Variants in GSDME observed in about 807,000 individuals in gnomAD.
GSDME encodes the protein gasdermin-E.
GSDME carries 44 observed loss-of-function variants against 47.5 expected under a neutral mutation model. That is an observed-to-expected ratio of 0.93 (90% CI 0.73 to 1.19). GSDME has a LOEUF of 1.19. Ranked by LOEUF, GSDME falls within the 50% of genes most tolerant of loss-of-function variation. GSDME has a pLI of 0.00. For missense variants in GSDME, 663 were observed against 604.2 expected (o/e 1.10, Z -1.02); for synonymous variants, 258 against 252.8 (o/e 1.02, Z -0.20).
rs6962615 is a variant in GSDME, at chr7:24,706,649, C to T, written c.991-273G>A. Reference sequence around the variant, plus strand: ...CCAGGGCAGGGTCTGTTGGGTAGTGCCAGGGACCAGAAACAAGTGGTTACA... The same window carrying T: ...CCAGGGCAGGGTCTGTTGGGTAGTGTCAGGGACCAGAAACAAGTGGTTACA... On this transcript the variant is annotated intron_variant, in intron 7 of 9. Coordinates refer to ENST00000645220, the MANE Select transcript of GSDME (RefSeq NM_001127453.2). Among the ~76,000 whole-genome samples the T allele has an allele frequency of 0.038, 5,826 of 152,302 alleles. 155 individuals are homozygous for T. Among genetic ancestry groups the T allele is most frequent in the Non-Finnish European group, 0.057 (3,872 of 68,002 alleles).
At chr7:24,700,348 G>A (rs960919462) in intron 9 of GSDME, among the ~76,000 whole-genome samples, 2 of 151,930 alleles carry the variant, frequency 1.3e-5, no homozygotes, top group African/African-American at 2.4e-5. Context: ...ATCTGTACCC[G>A]TAATATTTTA....
chr7:24,749,672 T>A lies in GSDME; in HGVS notation c.103A>T (p.Ser35Cys). Residue 35 changes from serine to cysteine, a missense_variant, in exon 2 of 10, where the codon AGT becomes TGT. Physicochemically the swap from Ser to Cys is moderately radical, Grantham distance 112 (BLOSUM62 -1). Coordinates refer to ENST00000645220, the MANE Select transcript of GSDME (RefSeq NM_001127453.2). ...LNDSDKLQLLSLVTKKKRFWC... is the reference protein window; with the variant it reads ...LNDSDKLQLLCLVTKKKRFWC... ...AATCTCTTCTTTTTTGTCACCAGAC[T>A]TAGAAGCTGTAACTTATCAGAGTCA... is the stretch of plus-strand genomic sequence containing the variant. 1.2e-6 allele frequency: 2 copies of A among 1,614,106 alleles called. No homozygotes were observed. Among genetic ancestry groups the A allele is most frequent in the East Asian group, 4.5e-5 (2 of 44,882 alleles).
chr7:24,766,172 A>G, the GSDME span, among the ~76,000 whole-genome samples: 3 of 134,272 alleles, frequency 2.2e-5, no homozygotes, highest in Admixed American at 1.5e-4. This position sits in a 1 kb window ranked among gnomAD's most constrained non-coding sequence, Gnocchi z 4.2. Context: ...CATGATATTA[A>G]ATTACATTAT....
At chr7:24,753,667 CTGAT>C (rs1790926917) in intron 1 of GSDME, among the ~76,000 whole-genome samples, 1 of 152,146 alleles carries the variant, frequency 6.6e-6, no homozygotes, top group South Asian at 2.1e-4. Flanking sequence ...TTTTGCAAGT[CTGAT>C]AGGTGAGAAA....
At position 24,744,775 on chromosome 7, in the gene GSDME, A is replaced by G. The variant is rs764762708; in HGVS notation, c.212-21T>C. On this transcript the variant is annotated intron_variant, in intron 2 of 9. Transcript: ENST00000645220. This position sits in a 1 kb window ranked among gnomAD's most constrained non-coding sequence, Gnocchi z 4.5. ...GACCACTGGAATGGAGGAGACGAGC[A>G]GAGGAAGCCGATGATGATAAGGCCA... is the stretch of plus-strand genomic sequence containing the variant. 1 of 1,613,514 alleles carries G rather than the reference A, an allele frequency of 6.2e-7. No individual in the cohort carries two copies. Among genetic ancestry groups the G allele is most frequent in the Non-Finnish European group, 8.5e-7 (1 of 1,179,896 alleles).
Position 24,749,733 on chromosome 7 carries a change from A to C in GSDME, c.42T>G (p.Asp14Glu), listed in dbSNP as rs756385985. The change falls in exon 2 of 10, where the codon GAT becomes GAG. Residue 14 changes from aspartate (D) to glutamate (E), a missense_variant. Physicochemically the swap from Asp to Glu is conservative, Grantham distance 45. Transcript: ENST00000645220. ...ATACTGCAATCAGGTCACCATCAGC[A>C]TCAACTTCTCTAAGAAAATTCCTGG... ...KATRNFLREV[D>E]ADGDLIAVSN... is the part of the protein sequence containing the mutation. 10 of 1,614,200 alleles carry C rather than the reference A, an allele frequency of 6.2e-6. No individual in the cohort carries two copies. Among genetic ancestry groups the C allele is most frequent in the Non-Finnish European group, 8.5e-6 (10 of 1,180,026 alleles).
the GSDME span, among the ~76,000 whole-genome samples, chr7:24,782,235 G>T: frequency 3.6e-5 from 4 of 112,032 alleles, no homozygotes; most frequent in South Asian, 1.1e-3. Context: ...CCCCACAACA[G>T]GCCCCGGTGT....
intron 8 of GSDME, chr7:24,704,558 A>T (rs1789014782): frequency 6.6e-6 from 1 of 152,188 alleles, no homozygotes; most frequent in African/African-American, 2.4e-5. Flanking sequence ...TATAAATGAG[A>T]TCACAGTTCA....
intron 1 of GSDME, among the ~76,000 whole-genome samples, chr7:24,755,435 G>A (rs781782456): frequency 2.0e-5 from 3 of 152,256 alleles, no homozygotes; most frequent in Middle Eastern, 3.4e-3. Context: ...AACTTCCCCT[G>A]CTTCCCTGAC....
chr7:24,779,498 G>GGTGTGTGTGTGTGTGTGTGT, the GSDME span, among the ~76,000 whole-genome samples: 370 of 143,130 alleles, frequency 2.6e-3, 5 homozygotes, highest in African/African-American at 9.1e-3. The surrounding 1 kb of genome is among the most constrained non-coding windows in gnomAD (Gnocchi z 6.0). Context: ...AGTGATACAT[G>GGTGTGTGTGTGTGTGTGTGT]GTGTGTGTGT....
intron 4 of GSDME, 30 bp downstream of exon 4, chr7:24,719,017 A>G (rs1249246529): frequency 1.6e-5 from 26 of 1,610,600 alleles, no homozygotes; most frequent in Non-Finnish European, 2.0e-5. Context: ...CTGCTCAGCC[A>G]TGAACGCAGG....
In GSDME at chr7:24,724,966, G is replaced by C. The variant is rs1789918609; in HGVS notation, c.405-5748C>G. On this transcript the variant is annotated intron_variant, in intron 3 of 9. Transcript: ENST00000645220. This position sits in a 1 kb window ranked among gnomAD's most constrained non-coding sequence, Gnocchi z 4.8. Reference sequence around the variant, plus strand: ...TCTCTTGTTCCTCTTTCTTGCTCCTGTTCTTGCCATGTGACATGTTTGCTC... The same window carrying C: ...TCTCTTGTTCCTCTTTCTTGCTCCTCTTCTTGCCATGTGACATGTTTGCTC... Among the ~76,000 whole-genome samples the C allele has an allele frequency of 6.6e-6, 1 of 152,100 alleles. No individual in the cohort carries two copies. Among genetic ancestry groups the C allele is most frequent in the Non-Finnish European group, 1.5e-5 (1 of 68,022 alleles).
chr7:24,720,808 G>C (rs1444774241), intron 3 of GSDME, among the ~76,000 whole-genome samples: 1 of 152,110 alleles, frequency 6.6e-6, no homozygotes, highest in Non-Finnish European at 1.5e-5. Flanking sequence ...TCAGCAGGCT[G>C]AGGCAGGAGA....
chr7:24,744,387 C>T lies in GSDME; in HGVS notation c.404+175G>A, dbSNP rs1247824217. ...TCCCCCCACTCAGGCTAAGAACAGT[C>T]AAGCAATTCCAGACTAAAGAATGTG... On this transcript the variant is annotated intron_variant, in intron 3 of 9. Coordinates refer to ENST00000645220, the MANE Select transcript of GSDME (RefSeq NM_001127453.2). This position sits in a 1 kb window ranked among gnomAD's most constrained non-coding sequence, Gnocchi z 4.5. 3 of 743,346 alleles carry T rather than the reference C, an allele frequency of 4.0e-6. No individual in the cohort carries two copies. The highest frequency in any genetic ancestry group is 2.3e-6 in the Non-Finnish European group (1 of 437,852). 46.0% of individuals were successfully genotyped at this position (743,346 alleles called of 1,614,324 possible). A position where few individuals can be genotyped will look rare whatever the true frequency, so the allele number is the denominator to read the frequency against.
the GSDME span, among the ~76,000 whole-genome samples, chr7:24,794,051 A>C: frequency 6.6e-6 from 1 of 152,196 alleles, no homozygotes; most frequent in African/African-American, 2.4e-5. Flanking sequence ...GATCACGGAG[A>C]AGACCTTTAA....
chr7:24,716,703 C>A lies in GSDME; in HGVS notation c.697+551G>T, dbSNP rs754520453. 12 of 170,210 alleles carry A rather than the reference C, an allele frequency of 7.1e-5. No individual in the cohort carries two copies. The highest frequency in any genetic ancestry group is 1.9e-4 in the African/African-American group (8 of 42,068). The allele number at this position is 170,210 out of a possible 1,614,324, so 10.5% of individuals were successfully genotyped here. A position where few individuals can be genotyped will look rare whatever the true frequency, so the allele number is the denominator to read the frequency against. On this transcript the variant is annotated intron_variant, in intron 5 of 9. Transcript: ENST00000645220. The surrounding 1 kb of genome is among the most constrained non-coding windows in gnomAD (Gnocchi z 4.5). ...CAAGTTCAGCATGTCTGGCTTCATA[C>A]TTGTGGAGAGGAGGTGGGGTAACAA...
Position 24,732,668 on chromosome 7 carries a change from G to C in GSDME, c.404+11894C>G, listed in dbSNP as rs577702215. 4.6e-5 allele frequency among the ~76,000 whole-genome samples: 7 copies of C among 152,330 alleles called. No individual in the cohort carries two copies. The highest frequency in any genetic ancestry group is 4.6e-4 in the Admixed American group (7 of 15,304). On this transcript the variant is annotated intron_variant, in intron 3 of 9. Transcript: ENST00000645220. This position sits in a 1 kb window ranked among gnomAD's most constrained non-coding sequence, Gnocchi z 4.8. Reference sequence around the variant, plus strand: ...ACTGTGGGACTTTGCATGGAACTCAGTGCTGCCAACACCGGGCAGAACTCA... The same window carrying C: ...ACTGTGGGACTTTGCATGGAACTCACTGCTGCCAACACCGGGCAGAACTCA...
chr7:24,790,454 G>A, the GSDME span, among the ~76,000 whole-genome samples: 1,214 of 152,198 alleles, frequency 8.0e-3, 13 homozygotes, highest in African/African-American at 0.015. The surrounding 1 kb of genome is among the most constrained non-coding windows in gnomAD (Gnocchi z 4.1). Context: ...CCAGGAGTTC[G>A]CCTGTTTTTA....
Position 24,728,119 on chromosome 7 carries a change from G to A in GSDME, c.405-8901C>T, listed in dbSNP as rs951433922. ...CACTCCGTTTTTCTTATCAGGAATC[G>A]GGGGCAATTCTGGCCAATGAGACCT... On this transcript the variant is annotated intron_variant, in intron 3 of 9. Coordinates refer to ENST00000645220, the MANE Select transcript of GSDME (RefSeq NM_001127453.2). The surrounding 1 kb of genome is among the most constrained non-coding windows in gnomAD (Gnocchi z 7.2). Among the ~76,000 whole-genome samples the A allele has an allele frequency of 1.2e-4, 18 of 152,148 alleles. No individual in the cohort carries two copies. The highest frequency in any genetic ancestry group is 3.6e-4 in the African/African-American group (15 of 41,428).
Sources: allele counts gnomAD v4.1 joint callset (sites outside exome capture counted in the v4.1 genomes callset), GRCh38; gene constraint gnomAD v4.1.1; non-coding constraint Gnocchi (gnomAD v3.1); transcripts MANE v1.5; gene names NCBI Gene and HGNC (gene_info 2026-07-23, HGNC 2026-07-21).